The following NBEA variants were observed in gnomAD, a reference collection of about 807,000 sequenced individuals.
The protein encoded by NBEA is neurobeachin.
NBEA carries 44 observed loss-of-function variants against 343.4 expected under a neutral mutation model. The observed-to-expected ratio is 0.13, with a 90% CI of 0.10 to 0.16. The LOEUF (loss-of-function observed/expected upper bound fraction) is 0.16, where lower values mean the gene tolerates loss of function less well. Among genes scored for constraint, NBEA ranks in the 10% least tolerant of loss-of-function variants. The pLI, the probability that NBEA is intolerant of heterozygous loss-of-function variation, is 1.00. For synonymous variants in NBEA, 1,175 were observed against 1,238.7 expected, an observed-to-expected ratio of 0.95 and a Z score of 1.08; for missense variants, 2,555 against 3,631.3, an observed-to-expected ratio of 0.70 and a Z score of 7.62.
At chr13:35,611,047 A>G (rs201784652) in intron 48 of NBEA, among the ~76,000 whole-genome samples, 3,616 of 146,478 alleles carry the variant, frequency 0.025, 83 homozygotes, top group African/African-American at 0.064. Flanking sequence ...AAAAGGGGGA[A>G]AAAAAAAAAA....
intron 49 of NBEA, among the ~76,000 whole-genome samples, chr13:35,636,684 T>A (rs1221045511): frequency 6.6e-6 from 1 of 152,198 alleles, no homozygotes; most frequent in Non-Finnish European, 1.5e-5. Context: ...TATAAACTTA[T>A]TCAACCAGGG....
intron 30 of NBEA, 102 bp from the exon 31 acceptor site, chr13:35,195,762 A>T: frequency 9.1e-7 from 1 of 1,104,524 alleles, no homozygotes; most frequent in Non-Finnish European, 1.3e-6. Flanking sequence ...TTTTGTTTCT[A>T]CAGGTTTTGT....
intron 49 of NBEA, among the ~76,000 whole-genome samples, chr13:35,645,282 G>A (rs974561266): frequency 3.9e-5 from 6 of 152,172 alleles, no homozygotes; most frequent in Admixed American, 3.3e-4. Flanking sequence ...TAGCATGGTA[G>A]CAGAGTAATG....
chr13:35,381,820 T>C (rs1173555154), intron 38 of NBEA, among the ~76,000 whole-genome samples: 1 of 152,144 alleles, frequency 6.6e-6, no homozygotes, highest in Admixed American at 6.5e-5. Flanking sequence ...TAATCCTTAA[T>C]GAAATTCTTC....
At chr13:35,428,374 C>G (rs949857865) in intron 38 of NBEA, among the ~76,000 whole-genome samples, 1 of 152,214 alleles carries the variant, frequency 6.6e-6, no homozygotes, top group Non-Finnish European at 1.5e-5. Context: ...AAATGTTGTG[C>G]TCCACAGATC....
intron 18 of NBEA, among the ~76,000 whole-genome samples, chr13:35,146,576 T>C (rs1228390505): frequency 6.6e-6 from 1 of 152,046 alleles, no homozygotes; most frequent in Non-Finnish European, 1.5e-5. Context: ...CTGCTTGTAG[T>C]GAGGACAGGG....
At chr13:34,986,538 A>C (rs999217719) in intron 1 of NBEA, among the ~76,000 whole-genome samples, 6 of 150,804 alleles carry the variant, frequency 4.0e-5, no homozygotes, top group African/African-American at 1.5e-4. Context: ...AGTTCTGTAG[A>C]TGTCTATTAG....
intron 45 of NBEA, among the ~76,000 whole-genome samples, chr13:35,568,893 A>G (rs1029901004): frequency 2.6e-5 from 4 of 152,204 alleles, no homozygotes; most frequent in Non-Finnish European, 5.9e-5. Context: ...GCCTACATTC[A>G]AATCCTAATT....
chr13:35,553,590 G>T (rs774529351), intron 43 of NBEA, among the ~76,000 whole-genome samples: 2 of 152,018 alleles, frequency 1.3e-5, no homozygotes. Context: ...GAGATATTCT[G>T]CCAGAGATAT....
At chr13:35,670,857 A>C in intron 58 of NBEA, 44 bp from the exon 59 acceptor site, 1 of 1,376,626 alleles carries the variant, frequency 7.3e-7, no homozygotes, top group Non-Finnish European at 1.0e-6. Flanking sequence ...GCAACCACAG[A>C]AATGATTTTA....
intron 40 of NBEA, among the ~76,000 whole-genome samples, chr13:35,456,989 T>TATATATAG (rs534937174): frequency 2.0e-5 from 3 of 150,784 alleles, no homozygotes; most frequent in African/African-American, 7.3e-5. Context: ...TTAGTTTATA[T>TATATATAG]ATATATAGAT....
chr13:35,405,141 A>G (rs1320601844), intron 38 of NBEA, among the ~76,000 whole-genome samples: 1 of 152,188 alleles, frequency 6.6e-6, no homozygotes, highest in Non-Finnish European at 1.5e-5. Context: ...ATTTTTTGAA[A>G]ACATATTGTT....
intron 11 of NBEA, among the ~76,000 whole-genome samples, chr13:35,104,730 C>T (rs2065831346): frequency 6.6e-6 from 1 of 151,728 alleles, no homozygotes; most frequent in Non-Finnish European, 1.5e-5. Flanking sequence ...ATATGAGAGG[C>T]CTTTTTATTA....
chr13:35,048,798 G>T, intron 5 of NBEA, 114 bp downstream of exon 5: 1 of 559,650 alleles, frequency 1.8e-6, no homozygotes, highest in Non-Finnish European at 3.0e-6. Flanking sequence ...TATAATATAT[G>T]CTAGAACTGT....
At chr13:35,095,926 A>G (rs1245726994) in intron 10 of NBEA, among the ~76,000 whole-genome samples, 1 of 151,932 alleles carries the variant, frequency 6.6e-6, no homozygotes, top group African/African-American at 2.4e-5. Flanking sequence ...GATGTGTTCT[A>G]GACAGGAAGT....
At chr13:35,375,667 A>G (rs1045016581) in intron 38 of NBEA, among the ~76,000 whole-genome samples, 1 of 152,164 alleles carries the variant, frequency 6.6e-6, no homozygotes, top group South Asian at 2.1e-4. Context: ...CAGCAAGGTG[A>G]CAAGTTAACT....
At chr13:35,039,681 T>C (rs1317177906) in intron 1 of NBEA, among the ~76,000 whole-genome samples, 1 of 152,158 alleles carries the variant, frequency 6.6e-6, no homozygotes, top group Non-Finnish European at 1.5e-5. Context: ...GGTTAAGTGG[T>C]GGTATTATTA....
At chr13:35,158,961 T>G in intron 21 of NBEA, 55 bp from the exon 22 acceptor site, 1 of 1,399,242 alleles carries the variant, frequency 7.1e-7, no homozygotes, top group Non-Finnish European at 9.6e-7. Flanking sequence ...ATTATTTAGT[T>G]TTTTCTTTTT....
chr13:35,015,467 C>T (rs1165669799), intron 1 of NBEA, among the ~76,000 whole-genome samples: 1 of 151,906 alleles, frequency 6.6e-6, no homozygotes, highest in Non-Finnish European at 1.5e-5. Flanking sequence ...TCCCAGATAT[C>T]TTTAACAAAA....
Sources: gnomAD v4.1 joint callset for allele counts (sites outside exome capture counted in the v4.1 genomes callset) on GRCh38, gnomAD v4.1.1 for gene constraint, MANE v1.5 for transcripts, NCBI Gene and HGNC (gene_info 2026-07-23, HGNC 2026-07-21) for gene names.